Variants in PDE7B observed in about 807,000 individuals in gnomAD.
PDE7B encodes 3',5'-cyclic-AMP phosphodiesterase 7B.
PDE7B carries 29 observed loss-of-function variants against 56.2 expected under a neutral mutation model. The ratio of observed to expected loss-of-function variants is 0.52; its 90% CI spans 0.38 to 0.70. PDE7B has a LOEUF of 0.70. PDE7B is among the 30% of genes least tolerant of loss of function. PDE7B has a pLI of 0.00. For missense variants in PDE7B, 490 were observed against 565.0 expected, an observed-to-expected ratio of 0.87 and a Z score of 1.35; for synonymous variants, 197 against 196.9, an observed-to-expected ratio of 1.00 and a Z score of 0.00.
At chr6:135,952,623 T>C (rs1237190865) in intron 2 of PDE7B, among the ~76,000 whole-genome samples, 2 of 151,844 alleles carry the variant, frequency 1.3e-5, no homozygotes, top group African/African-American at 2.4e-5. Context: ...ATGGATAGAG[T>C]GCATATAGCA....
At chr6:135,905,102 G>T (rs1024512197) in intron 1 of PDE7B, among the ~76,000 whole-genome samples, 8 of 152,092 alleles carry the variant, frequency 5.3e-5, no homozygotes, top group Admixed American at 3.9e-4. Context: ...AGTAGAATCT[G>T]CAAATTATGT....
chr6:136,032,474 T>C (rs981308289), intron 2 of PDE7B, among the ~76,000 whole-genome samples: 3 of 152,208 alleles, frequency 2.0e-5, no homozygotes. Flanking sequence ...CATTGTTCTG[T>C]ATCTGTCTAT....
At chr6:135,890,086 A>G (rs1775784576) in intron 1 of PDE7B, among the ~76,000 whole-genome samples, 1 of 152,138 alleles carries the variant, frequency 6.6e-6, no homozygotes, top group African/African-American at 2.4e-5. Context: ...CAGTGTGTGA[A>G]TTGGGCAGGG....
rs148704101 is a variant in PDE7B, at chr6:135,957,909, C to T, written c.82+10385C>T. On this transcript the variant is annotated intron_variant, in intron 2 of 12. Coordinates refer to ENST00000308191, the MANE Select transcript of PDE7B (RefSeq NM_018945.4). ...TCTGGGAGTACAAATGTCCCCTGAG[C>T]TGGGCCCACCCCTGTCCAATCACAT... Among the ~76,000 whole-genome samples, 15 of 152,176 alleles carry T rather than the reference C, an allele frequency of 9.9e-5. No homozygotes were observed. The East Asian group carries it at 2.9e-3, about 29-fold the overall frequency.
At chr6:136,014,596 C>T (rs1775944742) in intron 2 of PDE7B, among the ~76,000 whole-genome samples, 1 of 152,158 alleles carries the variant, frequency 6.6e-6, no homozygotes, top group South Asian at 2.1e-4. Context: ...AGTTTTAAAG[C>T]ACCTCTATGA....
intron 1 of PDE7B, among the ~76,000 whole-genome samples, chr6:135,875,112 G>A (rs189370466): frequency 6.6e-6 from 1 of 151,814 alleles, no homozygotes; most frequent in Non-Finnish European, 1.5e-5. Context: ...ATTTCTGTGA[G>A]TGCATATTCT....
intron 1 of PDE7B, among the ~76,000 whole-genome samples, chr6:135,928,569 A>T (rs1393092649): frequency 4.8e-5 from 7 of 144,810 alleles, no homozygotes; most frequent in South Asian, 2.2e-4. Flanking sequence ...CTATATATAC[A>T]TATATACACA....
chr6:136,139,098 T>C (rs1201558998), intron 3 of PDE7B, among the ~76,000 whole-genome samples: 1 of 152,116 alleles, frequency 6.6e-6, no homozygotes, highest in Non-Finnish European at 1.5e-5. Flanking sequence ...TAGGCATATC[T>C]CCTAATGCTA....
chr6:135,956,966 C>G (rs1280194612), intron 2 of PDE7B, among the ~76,000 whole-genome samples: 2 of 152,050 alleles, frequency 1.3e-5, no homozygotes, highest in Non-Finnish European at 2.9e-5. Context: ...CTCTCAAAGT[C>G]TGCCGTCAGG....
At chr6:136,152,026 T>C (rs1489017707) in intron 6 of PDE7B, among the ~76,000 whole-genome samples, 1 of 152,186 alleles carries the variant, frequency 6.6e-6, no homozygotes, top group East Asian at 1.9e-4. Context: ...CATAAAGCTC[T>C]TCATCCTTGT....
At chr6:135,977,501 T>C (rs924944386) in intron 2 of PDE7B, among the ~76,000 whole-genome samples, 1 of 152,166 alleles carries the variant, frequency 6.6e-6, no homozygotes, top group African/African-American at 2.4e-5. Context: ...ATGCTGACCT[T>C]GAGGGTTATG....
chr6:136,101,683 C>T (rs1270931845), intron 2 of PDE7B, among the ~76,000 whole-genome samples: 1 of 152,090 alleles, frequency 6.6e-6, no homozygotes, highest in East Asian at 1.9e-4. Context: ...CTCAGCCTGC[C>T]CAAAAACTGG....
chr6:135,960,502 C>T (rs1020232371), intron 2 of PDE7B, among the ~76,000 whole-genome samples: 2 of 152,194 alleles, frequency 1.3e-5, no homozygotes, highest in African/African-American at 2.4e-5. Context: ...TGTGCCTCAA[C>T]AATTGAAATG....
chr6:135,918,064 A>G (rs1438278286), intron 1 of PDE7B, among the ~76,000 whole-genome samples: 2 of 152,132 alleles, frequency 1.3e-5, no homozygotes, highest in Admixed American at 1.3e-4. Flanking sequence ...TCTTAAAAGA[A>G]CCTTTATGCA....
intron 8 of PDE7B, among the ~76,000 whole-genome samples, chr6:136,171,858 A>AT (rs1778889010): frequency 7.0e-6 from 1 of 142,134 alleles, no homozygotes; most frequent in Non-Finnish European, 1.5e-5. Context: ...TCATTGTTCA[A>AT]TTCCCACCTA....
intron 10 of PDE7B, among the ~76,000 whole-genome samples, chr6:136,180,223 T>G (rs1779040737): frequency 1.3e-5 from 2 of 152,212 alleles, no homozygotes; most frequent in Non-Finnish European, 2.9e-5. Context: ...GACTCCTTCC[T>G]TATTTCTTTC....
Position 135,851,711 on chromosome 6 carries a change from G to T in PDE7B, c.-288G>T. The T allele has an allele frequency of 2.7e-6, 1 of 364,746 alleles. No homozygotes were observed. Among genetic ancestry groups the T allele is most frequent in the South Asian group, 5.7e-5 (1 of 17,614 alleles). The allele number at this position is 364,746 out of a possible 1,614,324, so 22.6% of individuals were successfully genotyped here. On this transcript the variant is annotated 5_prime_UTR_variant, in exon 1 of 13. Transcript: ENST00000308191. ...CTCACCCAGCCAGTCAGTTGGTCTG[G>T]GCACTGCAGCAGGCTCGGCTCTGTC...
chr6:136,169,725 T>A (rs2128449600), intron 8 of PDE7B, among the ~76,000 whole-genome samples: 1 of 152,336 alleles, frequency 6.6e-6, no homozygotes, highest in South Asian at 2.1e-4. Context: ...TACATCACAC[T>A]AATCTATCAC....
chr6:136,048,300 G>C (rs1420830259), intron 2 of PDE7B, among the ~76,000 whole-genome samples: 1 of 152,118 alleles, frequency 6.6e-6, no homozygotes, highest in Non-Finnish European at 1.5e-5. Flanking sequence ...GAGGCAGGTG[G>C]ATCACCTGAG....
Sources: allele counts gnomAD v4.1 joint callset (sites outside exome capture counted in the v4.1 genomes callset), GRCh38; gene constraint gnomAD v4.1.1; transcripts MANE v1.5; gene names NCBI Gene and HGNC (gene_info 2026-07-23, HGNC 2026-07-21).